The following WASF3 variants were observed in gnomAD, a reference collection of about 807,000 sequenced individuals.
WASF3 encodes the protein WASP family member 3.
WASF3 carries 11 observed loss-of-function variants against 46.6 expected under a neutral mutation model. That is an observed-to-expected ratio of 0.24 (90% CI 0.15 to 0.39). WASF3 has a LOEUF of 0.39. Ranked by LOEUF, WASF3 falls within the 10% of genes least tolerant of loss-of-function variation. WASF3 has a pLI of 1.00. For missense variants in WASF3, 576 were observed against 669.8 expected (o/e 0.86, Z 1.55); for synonymous variants, 242 against 259.7 (o/e 0.93, Z 0.65).
Position 26,682,591 on chromosome 13 carries a change from C to A in WASF3, c.984-16C>A, listed in dbSNP as rs9507763. On this transcript the variant is annotated splice_polypyrimidine_tract_variant and intron_variant, in intron 8 of 9. Transcript: ENST00000335327. This position sits in a 1 kb window ranked among gnomAD's most constrained non-coding sequence, Gnocchi z 4.4. The stretch of plus-strand genomic sequence containing the variant: ...TCTTGTTCCCTTGGTGACTATGTGC[C>A]TCATATCTCTCTCAGGATGCTCCCA... The A allele has an allele frequency of 6.4e-5, 103 of 1,613,800 alleles. 2 individuals are homozygous for A. The South Asian group carries it at 9.1e-4, about 14-fold the overall frequency.
At chr13:26,624,848 A>C (rs998772242) in intron 2 of WASF3, among the ~76,000 whole-genome samples, 3 of 152,168 alleles carry the variant, frequency 2.0e-5, no homozygotes, top group African/African-American at 7.2e-5. Context: ...TTAAAGTATC[A>C]AGAGAAAAAG....
chr13:26,649,306 G>A (rs2137427890), intron 3 of WASF3, among the ~76,000 whole-genome samples: 1 of 152,294 alleles, frequency 6.6e-6, no homozygotes, highest in Middle Eastern at 3.4e-3. Context: ...TGTGACCTGT[G>A]ATCAAGAGAA....
the WASF3 span, among the ~76,000 whole-genome samples, chr13:26,542,086 C>T: frequency 9.2e-5 from 14 of 152,128 alleles, no homozygotes; most frequent in African/African-American, 3.1e-4. Flanking sequence ...AAAATCCTAC[C>T]GAAATCTCCA....
intron 9 of WASF3, among the ~76,000 whole-genome samples, chr13:26,684,348 A>G (rs1264156334): frequency 1.3e-5 from 2 of 152,058 alleles, no homozygotes; most frequent in Non-Finnish European, 2.9e-5. Context: ...TCTCGAGGAA[A>G]CATCTGATAC....
chr13:26,565,016 A>G (rs1879418569), intron 1 of WASF3, among the ~76,000 whole-genome samples: 1 of 138,040 alleles, frequency 7.2e-6, no homozygotes, highest in Non-Finnish European at 1.5e-5. Flanking sequence ...GGCATAGTCT[A>G]TCCTAATGTT....
intron 2 of WASF3, among the ~76,000 whole-genome samples, chr13:26,630,457 G>A (rs1881616465): frequency 6.6e-6 from 1 of 152,122 alleles, no homozygotes; most frequent in Non-Finnish European, 1.5e-5. Context: ...ATGGTTTCTG[G>A]CTTCATCCAT....
chr13:26,577,381 G>A (rs773513023), intron 1 of WASF3: 49 of 769,976 alleles, frequency 6.4e-5, no homozygotes, highest in Non-Finnish European at 1.0e-4. Context: ...AAATCCGGAA[G>A]AATATGATGG....
intron 3 of WASF3, among the ~76,000 whole-genome samples, chr13:26,662,738 T>C (rs1177657849): frequency 6.6e-6 from 1 of 152,202 alleles, no homozygotes; most frequent in East Asian, 1.9e-4. Context: ...TTCCCCAAAC[T>C]GCAGTCACTC....
At chr13:26,544,107 T>C in the WASF3 span, among the ~76,000 whole-genome samples, 1 of 152,164 alleles carries the variant, frequency 6.6e-6, no homozygotes, top group African/African-American at 2.4e-5. Context: ...TCTAACAAGA[T>C]TTGGGAATGA....
At chr13:26,613,117 AT>A (rs1379285644) in intron 2 of WASF3, 59 bp downstream of exon 2, 15 of 151,682 alleles carry the variant, frequency 9.9e-5, no homozygotes, top group Non-Finnish European at 1.9e-4. Flanking sequence ...TAGTTTAGAA[AT>A]TTAATTAGAA....
chr13:26,582,819 A>G (rs1350106733), intron 1 of WASF3, among the ~76,000 whole-genome samples: 2 of 152,134 alleles, frequency 1.3e-5, no homozygotes, highest in African/African-American at 4.8e-5. Flanking sequence ...TAAAGAAAGC[A>G]GCAATAGAGA....
upstream of WASF3, among the ~76,000 whole-genome samples, chr13:26,554,031 TTC>T (rs1364218462): frequency 0.021 from 1,974 of 92,072 alleles, 244 homozygotes; most frequent in South Asian, 0.025. Flanking sequence ...CCTTCCTTCT[TTC>T]TCTTTCTTTC....
At chr13:26,657,940 A>C (rs1321204132) in intron 3 of WASF3, among the ~76,000 whole-genome samples, 1 of 152,206 alleles carries the variant, frequency 6.6e-6, no homozygotes, top group Non-Finnish European at 1.5e-5. Flanking sequence ...TCCCTTTATA[A>C]ATTGAGAACT....
intron 1 of WASF3, among the ~76,000 whole-genome samples, chr13:26,588,946 C>T (rs991123979): frequency 2.0e-5 from 3 of 152,078 alleles, no homozygotes; most frequent in African/African-American, 7.2e-5. Context: ...CACAGGCACA[C>T]ACCACCACAC....
intron 6 of WASF3, among the ~76,000 whole-genome samples, chr13:26,673,909 G>A (rs929084758): frequency 6.6e-6 from 1 of 152,136 alleles, no homozygotes; most frequent in African/African-American, 2.4e-5. Flanking sequence ...ATGCAGGCTG[G>A]GTTCCAAGGG....
intron 5 of WASF3, among the ~76,000 whole-genome samples, chr13:26,670,542 G>A (rs1882900838): frequency 2.0e-5 from 3 of 152,216 alleles, no homozygotes; most frequent in African/African-American, 4.8e-5. Context: ...GTTAACATTT[G>A]CTTACTTAAG....
chr13:26,560,242 T>G (rs1317827343), intron 1 of WASF3, among the ~76,000 whole-genome samples: 1 of 152,186 alleles, frequency 6.6e-6, no homozygotes, highest in African/African-American at 2.4e-5. Context: ...ACATTCTTCT[T>G]CAGGGCTGGT....
chr13:26,665,056 G>A lies in WASF3; in HGVS notation c.162G>A (p.Glu54=), dbSNP rs764920568. ...AACATGCTGAAGACATATTTGGTGA[G>A]TTGTTTAATGAGGCTAACAACTTCT... The part of the protein sequence containing the change: ...LSKHAEDIFG[E]LFNEANNFYI... The change falls in exon 4 of 10, where the codon GAG becomes GAA. Residue 54 remains glutamate, a synonymous_variant. Coordinates refer to ENST00000335327, the MANE Select transcript of WASF3 (RefSeq NM_006646.6). 1 of 1,614,160 alleles carries A rather than the reference G, an allele frequency of 6.2e-7. No individual in the cohort carries two copies. Among genetic ancestry groups the A allele is most frequent in the South Asian group, 1.1e-5 (1 of 91,078 alleles).
At chr13:26,563,721 G>A (rs1226693537) in intron 1 of WASF3, among the ~76,000 whole-genome samples, 1 of 148,248 alleles carries the variant, frequency 6.7e-6, no homozygotes, top group Non-Finnish European at 1.5e-5. Context: ...AATCTTTGGA[G>A]CCAAAGATGC....
Sources: gnomAD v4.1 joint callset for allele counts (sites outside exome capture counted in the v4.1 genomes callset) on GRCh38, gnomAD v4.1.1 for gene constraint, Gnocchi (gnomAD v3.1) non-coding constraint, MANE v1.5 for transcripts, NCBI Gene and HGNC (gene_info 2026-07-23, HGNC 2026-07-21) for gene names.